The following CCNF variants were observed in gnomAD, a reference collection of about 807,000 sequenced individuals.
CCNF encodes the protein cyclin F.
A neutral mutation model predicts 85.4 loss-of-function variants in CCNF; 30 were observed. The ratio of observed to expected loss-of-function variants is 0.35; its 90% CI spans 0.26 to 0.48. The LOEUF (loss-of-function observed/expected upper bound fraction) is 0.48, where lower values mean the gene tolerates loss of function less well. Among genes scored for constraint, CCNF ranks in the 20% least tolerant of loss-of-function variants. The pLI is 0.99. For synonymous variants in CCNF, 439 were observed against 425.1 expected (o/e 1.03, Z -0.40); for missense variants, 919 against 1,010.4 (o/e 0.91, Z 1.23).
At chr16:2,449,788 C>CCCTCCATCT (rs2141827509) in intron 12 of CCNF, 40 bp from the exon 13 acceptor site, 1 of 1,096,366 alleles carries the variant, frequency 9.1e-7, no homozygotes, top group Non-Finnish European at 1.4e-6. Flanking sequence ...CCCCTCCGTC[C>CCCTCCATCT]CCTCCATCCC....
chr16:2,450,820 C>G (rs918494217), intron 13 of CCNF, among the ~76,000 whole-genome samples: 1 of 152,218 alleles, frequency 6.6e-6, no homozygotes, highest in South Asian at 2.1e-4. Flanking sequence ...CATAGTGCAG[C>G]GGACACCACG....
Position 2,449,440 on chromosome 16 carries a change from G to C in CCNF, c.1377G>C (p.Leu459=), listed in dbSNP as rs377030852. ...PARLAAAALL[L]ARLTHGQTQP... is the part of the protein sequence containing the mutation. ...GCCTGGCTGCCGCAGCCCTGCTCCT[G>C]GCCAGACTGACGCACGGGCAGAGTA... Residue 459 remains leucine, a synonymous_variant, in exon 12 of 17, where the codon CTG becomes CTC. Coordinates refer to ENST00000397066, the MANE Select transcript of CCNF (RefSeq NM_001761.3). The C allele has an allele frequency of 6.2e-7, 1 of 1,607,118 alleles. No individual in the cohort carries two copies. Among genetic ancestry groups the C allele is most frequent in the Admixed American group, 1.7e-5 (1 of 59,978 alleles).
intron 4 of CCNF, chr16:2,436,895 C>G (rs1048813909): frequency 5.7e-6 from 2 of 350,716 alleles, no homozygotes; most frequent in Non-Finnish European, 1.0e-5. Context: ...TCCAGGCTTC[C>G]GGGAGGACCA....
In CCNF at chr16:2,456,570, T is replaced by TG; in HGVS notation, c.1912dup (p.Val638GlyfsTer18). 6.4e-7 allele frequency: 1 copy of TG among 1,552,246 alleles called. No individual in the cohort carries two copies. The highest frequency in any genetic ancestry group is 1.2e-5 in the South Asian group (1 of 82,354). Reference sequence around the variant, plus strand: ...TGACAGCTCCCAGCGGCATCCTCGATGTCACCGTGGTCTACCTGAACCCAG... The same window carrying TG: ...TGACAGCTCCCAGCGGCATCCTCGATGGTCACCGTGGTCTACCTGAACCCAG... On this transcript the variant is annotated frameshift_variant, in exon 17 of 17. Coordinates refer to ENST00000397066, the MANE Select transcript of CCNF (RefSeq NM_001761.3). LOFTEE classifies it low-confidence loss of function (END_TRUNC). The surrounding 1 kb of genome is among the most constrained non-coding windows in gnomAD (Gnocchi z 4.5).
chr16:2,453,288 T>C lies in CCNF; in HGVS notation c.1566T>C (p.Tyr522=), dbSNP rs1255225419. The change falls in exon 14 of 17, where the codon TAT becomes TAC. Residue 522 remains tyrosine (Y), a synonymous_variant. Transcript: ENST00000397066. This position sits in a 1 kb window ranked among gnomAD's most constrained non-coding sequence, Gnocchi z 5.6. ...AGCAGCGGTTTGAGGACAAGCGCTA[T>C]GGAGAAATCAGCCAGGAAGAGGTGC... ...AVKQRFEDKR[Y]GEISQEEVLS... is the part of the protein sequence containing the mutation. The C allele has an allele frequency of 4.3e-6, 7 of 1,613,914 alleles. No homozygotes were observed. Among genetic ancestry groups the C allele is most frequent in the African/African-American group, 2.7e-5 (2 of 75,050 alleles).
At chr16:2,442,943 T>TATTA (rs1567386564) in intron 8 of CCNF, among the ~76,000 whole-genome samples, 1 of 63,730 alleles carries the variant, frequency 1.6e-5, no homozygotes, top group African/African-American at 7.0e-5. Context: ...TTATTATATA[T>TATTA]TATTATATTA....
rs2065252312 is a variant in CCNF at position 2,429,571 on chromosome 16, C to T, written c.16+74C>T. On this transcript the variant is annotated intron_variant, in intron 1 of 16. Coordinates refer to ENST00000397066, the MANE Select transcript of CCNF (RefSeq NM_001761.3). ...CTGCCCTGCGGGGCGGACGGTGGGT[C>T]CCGCGGGAGGGGAGGCCCTGGCGGC... 10 of 1,204,314 alleles carry T rather than the reference C, an allele frequency of 8.3e-6. No individual in the cohort carries two copies. In the Middle Eastern group the frequency reaches 7.9e-4, roughly 95 times the overall value. 74.6% of individuals were successfully genotyped at this position (1,204,314 alleles called of 1,614,324 possible).
intron 10 of CCNF, among the ~76,000 whole-genome samples, chr16:2,447,649 G>C (rs1045806486): frequency 2.0e-5 from 3 of 152,122 alleles, no homozygotes; most frequent in Admixed American, 6.6e-5. Flanking sequence ...TACTTGGGAG[G>C]CTGAGGCATG....
At position 2,456,418 on chromosome 16, in the gene CCNF, G is replaced by A. The variant is rs1251796965; in HGVS notation, c.1886-127G>A. The stretch of plus-strand genomic sequence containing the variant: ...GTCACCCACGCTTCTCACCACAGGA[G>A]GGTAACACAGGGGACCGTAGCAAGG... On this transcript the variant is annotated intron_variant, in intron 16 of 16. Transcript: ENST00000397066. This position sits in a 1 kb window ranked among gnomAD's most constrained non-coding sequence, Gnocchi z 4.5. 1 of 607,752 alleles carries A rather than the reference G, an allele frequency of 1.6e-6. No homozygotes were observed. The highest frequency in any genetic ancestry group is 1.9e-5 in the African/African-American group (1 of 54,052). 37.6% of individuals were successfully genotyped at this position (607,752 alleles called of 1,614,324 possible).
chr16:2,448,951 C>T lies in CCNF; in HGVS notation c.1191C>T (p.Ile397=), dbSNP rs752932301. The change falls in exon 11 of 17, where the codon ATC becomes ATT. Residue 397 remains isoleucine, a synonymous_variant. Coordinates refer to ENST00000397066, the MANE Select transcript of CCNF (RefSeq NM_001761.3). ...YEDLVRMMGE[I]VSALEGKIRV... ...ACCTGGTGAGAATGATGGGCGAGATCGTCTCCGCCTTGGAAGGGAAGATTC... is the reference window on the plus strand; with the variant it reads ...ACCTGGTGAGAATGATGGGCGAGATTGTCTCCGCCTTGGAAGGGAAGATTC... 9.3e-6 allele frequency: 15 copies of T among 1,613,978 alleles called. No individual in the cohort carries two copies. The highest frequency in any genetic ancestry group is 2.2e-5 in the East Asian group (1 of 44,896).
intron 3 of CCNF, among the ~76,000 whole-genome samples, chr16:2,435,076 C>T (rs925582111): frequency 6.6e-6 from 1 of 151,446 alleles, no homozygotes; most frequent in Admixed American, 6.6e-5. Context: ...ATGGTGAAAC[C>T]CCGTCTCTAC....
Position 2,452,141 on chromosome 16 carries a change from G to A in CCNF, c.1488-1069G>A, listed in dbSNP as rs932210240. 1.3e-5 allele frequency among the ~76,000 whole-genome samples: 2 copies of A among 152,174 alleles called. No homozygotes were observed. Among genetic ancestry groups the A allele is most frequent in the Admixed American group, 6.5e-5 (1 of 15,280 alleles). ...GGCCTCCTGGAACACTGTGGCAGCC[G>A]CCCCGCACATGTCCCGTGTACGTCA... is the stretch of plus-strand genomic sequence containing the variant. On this transcript the variant is annotated intron_variant, in intron 13 of 16. Transcript: ENST00000397066. The surrounding 1 kb of genome is among the most constrained non-coding windows in gnomAD (Gnocchi z 4.1).
chr16:2,445,351 A>T, intron 9 of CCNF, 107 bp from the exon 10 acceptor site: 2 of 1,291,020 alleles, frequency 1.5e-6, no homozygotes, highest in South Asian at 2.7e-5. Context: ...CCATGATTCC[A>T]GAGCTAGCCA....
rs2065407905 is a variant in CCNF at position 2,453,643 on chromosome 16, G to T, written c.1715+106G>T. The stretch of plus-strand genomic sequence containing the variant: ...CAGAGAGGCCCCCAAGGCTTGTCAG[G>T]GGAGCAGCAGATCCCAGGACAGTGA... On this transcript the variant is annotated intron_variant, in intron 15 of 16. Transcript: ENST00000397066. The surrounding 1 kb of genome is among the most constrained non-coding windows in gnomAD (Gnocchi z 5.6). The T allele has an allele frequency of 5.6e-6, 8 of 1,437,156 alleles. No individual in the cohort carries two copies. The East Asian group carries it at 1.8e-4, about 33-fold the overall frequency. The allele number at this position is 1,437,156 out of a possible 1,614,324, so 89.0% of individuals were successfully genotyped here.
At chr16:2,433,509 C>T (rs1441281390) in intron 3 of CCNF, among the ~76,000 whole-genome samples, 1 of 152,244 alleles carries the variant, frequency 6.6e-6, no homozygotes, top group African/African-American at 2.4e-5. Flanking sequence ...CAGGTACCCG[C>T]CGCCCTCAGA....
chr16:2,445,656 G>T, intron 10 of CCNF, 34 bp downstream of exon 10: 1 of 1,597,684 alleles, frequency 6.3e-7, no homozygotes, highest in Non-Finnish European at 8.5e-7. Flanking sequence ...TGGCAGGGAC[G>T]TGCTGGCCTT....
chr16:2,447,612 G>T (rs925462082), intron 10 of CCNF, among the ~76,000 whole-genome samples: 2 of 151,998 alleles, frequency 1.3e-5, no homozygotes, highest in African/African-American at 4.8e-5. Flanking sequence ...TTAGCCAGAC[G>T]TGGTAGTGGG....
intron 15 of CCNF, 99 bp from the exon 16 acceptor site, chr16:2,455,296 C>A: frequency 7.1e-7 from 1 of 1,406,328 alleles, no homozygotes; most frequent in Middle Eastern, 2.3e-4. Flanking sequence ...CACGTGGTGA[C>A]AGGCTGGGGC....
In CCNF at chr16:2,443,698, T is replaced by C; in HGVS notation, c.827T>C (p.Val276Ala). 6.2e-7 allele frequency: 1 copy of C among 1,613,874 alleles called. No individual in the cohort carries two copies. Among genetic ancestry groups the C allele is most frequent in the Non-Finnish European group, 8.5e-7 (1 of 1,179,812 alleles). ...CANANQLGLE[V>A]RASSEIVCQL... The stretch of plus-strand genomic sequence containing the variant: ...AATGCAAACCAGCTTGGACTGGAGG[T>C]GAGAGCTTCCAGTGAGATCGTCTGC... Residue 276 changes from valine to alanine, a missense_variant, in exon 9 of 17, where the codon GTG becomes GCG. By Grantham distance (64) the Val-to-Ala change is moderately conservative (BLOSUM62 0). Transcript: ENST00000397066.
Sources: gnomAD v4.1 joint callset for allele counts (sites outside exome capture counted in the v4.1 genomes callset) on GRCh38, gnomAD v4.1.1 for gene constraint, Gnocchi (gnomAD v3.1) non-coding constraint, MANE v1.5 for transcripts, NCBI Gene and HGNC (gene_info 2026-07-23, HGNC 2026-07-21) for gene names.